The following DOCK2 variants were observed in gnomAD, a reference collection of about 807,000 sequenced individuals.
The protein encoded by DOCK2 is dedicator of cytokinesis 2, also known as dedicator of cytokinesis protein 2.
A neutral mutation model predicts 248.9 loss-of-function variants in DOCK2; 87 were observed. That is an observed-to-expected ratio of 0.35 (90% confidence interval 0.29 to 0.42). DOCK2 has a LOEUF of 0.42. Ranked by LOEUF, DOCK2 falls within the 10% of genes least tolerant of loss-of-function variation. The pLI is 1.00. For synonymous variants in DOCK2, 805 were observed against 821.6 expected (o/e 0.98, Z 0.35); for missense variants, 1,747 against 2,300.2 (o/e 0.76, Z 4.92).
chr5:169,819,813 G>A (rs1561731425), intron 26 of DOCK2, among the ~76,000 whole-genome samples: 1 of 152,296 alleles, frequency 6.6e-6, no homozygotes, highest in African/African-American at 2.4e-5. Context: ...GCGCTGAGGC[G>A]GGGTGAGGCA....
At chr5:169,971,428 CTTTTT>C (rs34124700) in intron 27 of DOCK2, among the ~76,000 whole-genome samples, 14 of 135,194 alleles carry the variant, frequency 1.0e-4, no homozygotes, top group Non-Finnish European at 1.4e-4. Context: ...CTCCTAGAGC[CTTTTT>C]TTTTTTTTTT....
intron 1 of DOCK2, among the ~76,000 whole-genome samples, chr5:169,640,423 A>G (rs1757088588): frequency 6.6e-6 from 1 of 152,238 alleles, no homozygotes; most frequent in African/African-American, 2.4e-5. Flanking sequence ...CTGCTACTGC[A>G]TCTTGGGTTT....
intron 32 of DOCK2, among the ~76,000 whole-genome samples, chr5:170,013,078 A>C (rs917728517): frequency 1.2e-4 from 19 of 152,192 alleles, no homozygotes; most frequent in Middle Eastern, 6.8e-3. Flanking sequence ...TGAGGACTAT[A>C]AGGATGATTC....
rs535266204 is a variant in DOCK2 at position 169,855,688 on chromosome 5, G to C, written c.2799+14836G>C. On this transcript the variant is annotated intron_variant, in intron 27 of 51. Transcript: ENST00000520908. ...CATGGAAGAGACCAAGGATCCCAAT[G>C]GTGAAGTCTTTCAATTAAACTAAAC... Among the ~76,000 whole-genome samples, 16 of 152,248 alleles carry C rather than the reference G, an allele frequency of 1.1e-4. No individual in the cohort carries two copies. The South Asian group carries it at 2.9e-3, about 28-fold the overall frequency.
intron 44 of DOCK2, among the ~76,000 whole-genome samples, chr5:170,060,092 G>A (rs999041845): frequency 5.9e-5 from 9 of 152,166 alleles, no homozygotes; most frequent in Non-Finnish European, 4.4e-5. Flanking sequence ...CTACAGTAAT[G>A]TTTATATAGA....
intron 23 of DOCK2, among the ~76,000 whole-genome samples, chr5:169,748,031 A>G (rs1763706779): frequency 6.6e-6 from 1 of 152,166 alleles, no homozygotes; most frequent in African/African-American, 2.4e-5. Context: ...TTTCAGGGAG[A>G]CTTCAGAACT....
chr5:169,939,447 T>C (rs1344820265), intron 27 of DOCK2, among the ~76,000 whole-genome samples: 3 of 152,178 alleles, frequency 2.0e-5, no homozygotes, highest in African/African-American at 7.2e-5. Flanking sequence ...TAATTTTTAT[T>C]AGTAGAAGGA....
At chr5:170,008,398 T>C in intron 30 of DOCK2, 99 bp from the exon 31 acceptor site, 1 of 1,284,420 alleles carries the variant, frequency 7.8e-7, no homozygotes, top group Non-Finnish European at 1.1e-6. Context: ...GTTCGGCCTC[T>C]GTCTTCTGCC....
In DOCK2 at chr5:169,800,072, T is replaced by A. The variant is rs1201789730; in HGVS notation, c.2555-2986T>A. Among the ~76,000 whole-genome samples, 5 of 152,226 alleles carry A rather than the reference T, an allele frequency of 3.3e-5. No homozygotes were observed. In the East Asian group the frequency reaches 9.6e-4, roughly 29 times the overall value. ...CTACTGCCTCCACCTCCCAAAGTGCTGCAATTATAGGAGTGAGCTACCATG... is the reference window on the plus strand; with the variant it reads ...CTACTGCCTCCACCTCCCAAAGTGCAGCAATTATAGGAGTGAGCTACCATG... On this transcript the variant is annotated intron_variant, in intron 25 of 51. Transcript: ENST00000520908.
chr5:169,637,768 A>G (rs969587346), intron 1 of DOCK2, among the ~76,000 whole-genome samples: 2 of 151,930 alleles, frequency 1.3e-5, no homozygotes, highest in African/African-American at 4.8e-5. Context: ...CACCATGCAT[A>G]CTTCCACCCC....
chr5:169,883,702 C>G lies in DOCK2; in HGVS notation c.2799+42850C>G, dbSNP rs1206932230. 3 of 1,551,296 alleles carry G rather than the reference C, an allele frequency of 1.9e-6. No individual in the cohort carries two copies. The highest frequency in any genetic ancestry group is 2.4e-5 in the East Asian group (1 of 40,914). ...ATGGTGCCTGGTTGCTTGAGTCTTC[C>G]CCATCACAGCCGGGTCTTCTGGAGT... is the stretch of plus-strand genomic sequence containing the variant. On this transcript the variant is annotated intron_variant, in intron 27 of 51. Transcript: ENST00000520908.
At chr5:169,882,462 T>G in intron 27 of DOCK2, 1 of 1,126,990 alleles carries the variant, frequency 8.9e-7, no homozygotes, top group Non-Finnish European at 1.2e-6. Context: ...TTGGAGACAT[T>G]TTTACTAAAA....
intron 27 of DOCK2, among the ~76,000 whole-genome samples, chr5:169,971,832 A>C (rs1269096875): frequency 1.3e-5 from 2 of 152,092 alleles, no homozygotes; most frequent in Admixed American, 1.3e-4. Flanking sequence ...CCCTCTAAAT[A>C]TCTCTCGTAG....
intron 27 of DOCK2, chr5:169,882,870 T>G (rs1772741049): frequency 6.4e-7 from 1 of 1,551,264 alleles, no homozygotes; most frequent in Non-Finnish European, 8.7e-7. Context: ...CACTGTTAGT[T>G]TTGAGTGACA....
intron 30 of DOCK2, chr5:169,997,983 A>G (rs1410833675): frequency 6.6e-6 from 3 of 456,322 alleles, no homozygotes; most frequent in Non-Finnish European, 1.3e-5. Context: ...GGGTTTTTCC[A>G]GAACTGGAAT....
intron 25 of DOCK2, among the ~76,000 whole-genome samples, chr5:169,794,880 G>A (rs965496100): frequency 2.0e-4 from 31 of 152,290 alleles, no homozygotes; most frequent in Admixed American, 4.6e-4. Context: ...CAGAGATCGC[G>A]CCACTGCACT....
chr5:169,657,765 T>A (rs968809436), intron 2 of DOCK2, among the ~76,000 whole-genome samples: 1 of 152,230 alleles, frequency 6.6e-6, no homozygotes, highest in Non-Finnish European at 1.5e-5. Context: ...TTGGGATGTT[T>A]TCTTTCCTAT....
chr5:169,913,689 G>T (rs1390216828), intron 27 of DOCK2, among the ~76,000 whole-genome samples: 1 of 149,460 alleles, frequency 6.7e-6, no homozygotes, highest in East Asian at 2.0e-4. Flanking sequence ...ATTCAGTGGA[G>T]AAAGTGCAGT....
chr5:169,853,836 TTTTTTTTTTTTTTG>T (rs1770746957), intron 27 of DOCK2, among the ~76,000 whole-genome samples: 3 of 83,162 alleles, frequency 3.6e-5, no homozygotes, highest in East Asian at 6.7e-4. Context: ...TTTTTTTTTT[TTTTTTTTTTTTTTG>T]TGGTAGACAG....
Sources: gnomAD v4.1 joint callset for allele counts (sites outside exome capture counted in the v4.1 genomes callset) on GRCh38, gnomAD v4.1.1 for gene constraint, MANE v1.5 for transcripts, NCBI Gene and HGNC (gene_info 2026-07-23, HGNC 2026-07-21) for gene names.